CAPS2: variants seen among roughly 807,000 people sequenced by gnomAD.
CAPS2 encodes the protein calcyphosin-2.
CAPS2 carries 98 observed loss-of-function variants against 86.5 expected under a neutral mutation model. The observed-to-expected ratio is 1.13, with a 90% CI of 0.96 to 1.34. The LOEUF (loss-of-function observed/expected upper bound fraction) is 1.34. Ranked by LOEUF, CAPS2 falls within the 40% of genes most tolerant of loss-of-function variation. The probability of loss-of-function intolerance (pLI) is 0.00; values close to 1 mark genes in which losing one functional copy is unlikely to be tolerated. For synonymous variants in CAPS2, 210 were observed against 225.1 expected, an observed-to-expected ratio of 0.93 and a Z score of 0.60; for missense variants, 729 against 686.8, an observed-to-expected ratio of 1.06 and a Z score of -0.69.
chr12:75,385,149 T>G (rs2045223186), intron 1 of CAPS2, among the ~76,000 whole-genome samples: 1 of 152,184 alleles, frequency 6.6e-6, no homozygotes, highest in African/African-American at 2.4e-5. Context: ...AGAAGGTATT[T>G]CACCAAACGC....
intron 1 of CAPS2, among the ~76,000 whole-genome samples, chr12:75,364,153 A>T (rs748301531): frequency 1.1e-4 from 17 of 152,172 alleles, no homozygotes; most frequent in Non-Finnish European, 1.6e-4. Context: ...TAGACTTAAG[A>T]TCTGTATTGG....
intron 1 of CAPS2, among the ~76,000 whole-genome samples, chr12:75,374,762 C>T (rs554097271): frequency 4.6e-5 from 7 of 152,208 alleles, no homozygotes; most frequent in African/African-American, 1.7e-4. Context: ...TTCTGGTGGG[C>T]CTTATGGACA....
intron 1 of CAPS2, among the ~76,000 whole-genome samples, chr12:75,386,427 A>C (rs1026696720): frequency 2.0e-5 from 3 of 152,180 alleles, no homozygotes; most frequent in Non-Finnish European, 4.4e-5. Context: ...ATCTGATGGC[A>C]GGAGTTCACA....
At chr12:75,286,515 A>T (rs1045361413) in intron 14 of CAPS2, among the ~76,000 whole-genome samples, 2 of 151,780 alleles carry the variant, frequency 1.3e-5, no homozygotes, top group Non-Finnish European at 1.5e-5. Context: ...ATTTATATAT[A>T]CTTAAGAGAT....
intron 4 of CAPS2, among the ~76,000 whole-genome samples, chr12:75,322,630 A>G (rs1466622301): frequency 6.6e-6 from 1 of 152,216 alleles, no homozygotes; most frequent in Non-Finnish European, 1.5e-5. Context: ...GAATGAGCAT[A>G]GCTACTTACT....
At chr12:75,381,302 GCCATGCGGA>G (rs2044957796) in intron 1 of CAPS2, among the ~76,000 whole-genome samples, 1 of 152,156 alleles carries the variant, frequency 6.6e-6, no homozygotes. Flanking sequence ...AACTTCCCTA[GCCATGCGGA>G]ACCGTACTAA....
chr12:75,291,897 C>G (rs1031609483), intron 12 of CAPS2, 77 bp from the exon 13 acceptor site: 10 of 546,446 alleles, frequency 1.8e-5, no homozygotes, highest in Admixed American at 6.0e-5. Flanking sequence ...CCTCTAAGCT[C>G]TTCCCTGCTC....
intron 7 of CAPS2, 70 bp downstream of exon 7, chr12:75,312,778 T>C (rs1288388170): frequency 2.2e-6 from 2 of 911,696 alleles, no homozygotes; most frequent in South Asian, 1.4e-5. Context: ...AGGATATGAA[T>C]GTCATGCATG....
chr12:75,383,525 G>A (rs1282436523), intron 1 of CAPS2, among the ~76,000 whole-genome samples: 1 of 152,128 alleles, frequency 6.6e-6, no homozygotes, highest in Admixed American at 6.5e-5. Context: ...AGAGAGTGTA[G>A]AAATATATGA....
intron 1 of CAPS2, among the ~76,000 whole-genome samples, chr12:75,344,756 T>C (rs1369395655): frequency 6.6e-6 from 1 of 152,152 alleles, no homozygotes; most frequent in Non-Finnish European, 1.5e-5. Context: ...GCTGTCTTTT[T>C]GGGTACAGCT....
chr12:75,338,637 C>A (rs953698418), intron 1 of CAPS2, among the ~76,000 whole-genome samples: 3 of 151,326 alleles, frequency 2.0e-5, no homozygotes, highest in Non-Finnish European at 4.4e-5. Context: ...GCAGGATGTG[C>A]AGGTTTGTTA....
intron 7 of CAPS2, chr12:75,305,790 T>G (rs2038401299): frequency 1.4e-6 from 1 of 732,472 alleles, no homozygotes; most frequent in African/African-American, 1.7e-5. Flanking sequence ...AAGGATGTCG[T>G]CGGCAGCTAC....
intron 1 of CAPS2, among the ~76,000 whole-genome samples, chr12:75,351,802 C>T (rs2042834117): frequency 6.6e-6 from 1 of 152,296 alleles, no homozygotes; most frequent in South Asian, 2.1e-4. Flanking sequence ...CCTCCTTGGC[C>T]TCCCAAAGTG....
chr12:75,334,476 G>T, upstream of CAPS2: 1 of 1,301,716 alleles, frequency 7.7e-7, no homozygotes. Flanking sequence ...CAGTTTGGAT[G>T]GTTGAAATTC....
intron 14 of CAPS2, among the ~76,000 whole-genome samples, chr12:75,288,358 C>CTTTTCTTTTTTTTTTTTTTTTTTTT (rs2035267181): frequency 6.6e-6 from 1 of 152,026 alleles, no homozygotes; most frequent in African/African-American, 2.4e-5. Flanking sequence ...ATGTAATTTT[C>CTTTTCTTTTTTTTTTTTTTTTTTTT]TTATTTGAGC....
chr12:75,296,619 A>G (rs1411983230), intron 11 of CAPS2, among the ~76,000 whole-genome samples: 1 of 152,146 alleles, frequency 6.6e-6, no homozygotes, highest in Non-Finnish European at 1.5e-5. Flanking sequence ...AGGTGCATCT[A>G]TGGGCACATG....
chr12:75,380,757 T>C (rs2044920178), intron 1 of CAPS2, among the ~76,000 whole-genome samples: 1 of 152,112 alleles, frequency 6.6e-6, no homozygotes, highest in South Asian at 2.1e-4. Context: ...AATAATGAGG[T>C]AGATGCTATT....
chr12:75,332,037 C>T (rs1180584657), upstream of CAPS2, among the ~76,000 whole-genome samples: 1 of 152,156 alleles, frequency 6.6e-6, no homozygotes, highest in Admixed American at 6.5e-5. Flanking sequence ...ATATAGCTGT[C>T]TAAGCCATTG....
At chr12:75,279,536 T>C (rs2033516130) in intron 16 of CAPS2, among the ~76,000 whole-genome samples, 1 of 151,972 alleles carries the variant, frequency 6.6e-6, no homozygotes, top group Non-Finnish European at 1.5e-5. Flanking sequence ...TCTAATGGGG[T>C]GGACAAAATT....
Sources: allele counts gnomAD v4.1 joint callset (sites outside exome capture counted in the v4.1 genomes callset), GRCh38; gene constraint gnomAD v4.1.1; transcripts MANE v1.5; gene names NCBI Gene and HGNC (gene_info 2026-07-23, HGNC 2026-07-21).